The following UHRF2 variants were observed in gnomAD, a reference collection of about 807,000 sequenced individuals.
UHRF2 encodes the protein E3 ubiquitin-protein ligase UHRF2.
In UHRF2, 23 loss-of-function variants were observed where a neutral mutation model predicts 96.8. The ratio of observed to expected loss-of-function variants is 0.24; its 90% confidence interval spans 0.17 to 0.34. The LOEUF (loss-of-function observed/expected upper bound fraction) is 0.34, where lower values mean the gene tolerates loss of function less well. Among genes scored for constraint, UHRF2 ranks in the 10% least tolerant of loss-of-function variants. The pLI, the probability that UHRF2 is intolerant of heterozygous loss-of-function variation, is 1.00. For synonymous variants in UHRF2, 385 were observed against 332.6 expected (o/e 1.16, Z -1.72); for missense variants, 685 against 981.5 (o/e 0.70, Z 4.04).
In UHRF2 at chr9:6,463,440, T is replaced by C. The variant is rs189525001; in HGVS notation, c.863+2649T>C. Among the ~76,000 whole-genome samples, 1,005 of 151,292 alleles carry C rather than the reference T, an allele frequency of 6.6e-3. 11 individuals carry two copies. Among genetic ancestry groups the C allele is most frequent in the African/African-American group, 0.019 (802 of 41,344 alleles). On this transcript the variant is annotated intron_variant, in intron 4 of 15. Transcript: ENST00000276893. ...CTAGAAACGTTAGGAACACAATAGC[T>C]AAAAAGGAACCAGTGTGGCTTATGG...
intron 13 of UHRF2, among the ~76,000 whole-genome samples, chr9:6,500,234 C>G (rs1816214635): frequency 6.6e-6 from 1 of 152,106 alleles, no homozygotes; most frequent in African/African-American, 2.4e-5. Context: ...TCCTAAAGTG[C>G]TGGGATTACA....
At position 6,413,518 on chromosome 9, in the gene UHRF2, G is replaced by T. The variant is rs1297398744; in HGVS notation, c.28G>T (p.Gly10Cys). 1.3e-6 allele frequency: 2 copies of T among 1,583,686 alleles called. No homozygotes were observed. The highest frequency in any genetic ancestry group is 3.5e-5 in the Admixed American group (2 of 56,566). ...GTGGATACAGGTTCGCACCATTGATGGCTCCAAGACGTGCACCATTGAGGA... is the reference window on the plus strand; with the variant it reads ...GTGGATACAGGTTCGCACCATTGATTGCTCCAAGACGTGCACCATTGAGGA... Reference protein sequence around the residue: MWIQVRTIDGSKTCTIEDVS... With the variant: MWIQVRTIDCSKTCTIEDVS... Residue 10 changes from glycine (G) to cysteine (C), a missense_variant, in exon 1 of 16, where the codon GGC becomes TGC. This residue lies in a region of UHRF2 where 38 missense variants were observed against 35.9 expected (regional missense o/e 1.06). Transcript: ENST00000276893.
intron 9 of UHRF2, among the ~76,000 whole-genome samples, chr9:6,490,183 A>C (rs965476660): frequency 2.0e-5 from 3 of 152,226 alleles, no homozygotes; most frequent in African/African-American, 7.2e-5. Context: ...GACTTGGGCC[A>C]AATTATTTAA....
rs760928029 is a variant in UHRF2, at chr9:6,460,561, C to G, written c.645-12C>G. 4 of 1,584,924 alleles carry G rather than the reference C, an allele frequency of 2.5e-6. No homozygotes were observed. Among genetic ancestry groups the G allele is most frequent in the Non-Finnish European group, 2.6e-6 (3 of 1,162,688 alleles). On this transcript the variant is annotated splice_polypyrimidine_tract_variant and intron_variant, in intron 3 of 15. Coordinates refer to ENST00000276893, the MANE Select transcript of UHRF2 (RefSeq NM_152896.3). ...TGGTAATCATAAGCCATATGGTTTT[C>G]TCTCTCCTCAGATACCCAGAAAGCG...
intron 4 of UHRF2, among the ~76,000 whole-genome samples, chr9:6,472,319 G>A (rs1293819606): frequency 6.6e-6 from 1 of 152,192 alleles, no homozygotes; most frequent in African/African-American, 2.4e-5. Flanking sequence ...CGAAAGGATC[G>A]ATGTTAAATT....
chr9:6,447,082 G>C (rs1452640556), intron 3 of UHRF2, among the ~76,000 whole-genome samples: 1 of 151,814 alleles, frequency 6.6e-6, no homozygotes, highest in Non-Finnish European at 1.5e-5. Flanking sequence ...GTAGAGATGG[G>C]GTTTCACCAT....
intron 2 of UHRF2, among the ~76,000 whole-genome samples, chr9:6,424,566 T>C (rs4740844): frequency 0.7 from 105,687 of 151,992 alleles, 38,302 homozygotes; most frequent in South Asian, 0.82. Context: ...TGTAGCAAAA[T>C]TGAAGATAGT....
intron 1 of UHRF2, among the ~76,000 whole-genome samples, chr9:6,420,201 G>C (rs891983467): frequency 1.6e-4 from 24 of 151,764 alleles, no homozygotes; most frequent in Admixed American, 1.3e-4. Flanking sequence ...GATTACAGGT[G>C]CGTACCACCA....
chr9:6,426,393 C>G (rs1383716534), intron 2 of UHRF2, among the ~76,000 whole-genome samples: 2 of 152,166 alleles, frequency 1.3e-5, no homozygotes, highest in East Asian at 1.9e-4. Context: ...CATTAAGGTT[C>G]CCTTTCCCCA....
chr9:6,483,673 C>A (rs1217880446), intron 8 of UHRF2, among the ~76,000 whole-genome samples: 1 of 152,044 alleles, frequency 6.6e-6, no homozygotes, highest in African/African-American at 2.4e-5. Context: ...TTTAAAAACG[C>A]GCCCTACTTT....
intron 1 of UHRF2, among the ~76,000 whole-genome samples, chr9:6,420,391 T>C (rs1819860496): frequency 6.9e-6 from 1 of 143,960 alleles, no homozygotes; most frequent in Non-Finnish European, 1.5e-5. Flanking sequence ...GTGTTCTCTG[T>C]AGTGAATATG....
intron 4 of UHRF2, among the ~76,000 whole-genome samples, chr9:6,461,556 A>G (rs1822545167): frequency 6.6e-6 from 1 of 151,690 alleles, no homozygotes. Context: ...TATTTTTAGT[A>G]GAGATGGGGT....
chr9:6,472,314 G>T lies in UHRF2; in HGVS notation c.864-3077G>T, dbSNP rs932485891. Among the ~76,000 whole-genome samples, 8 of 152,282 alleles carry T rather than the reference G, an allele frequency of 5.3e-5. 1 individual carries two copies. The highest frequency in any genetic ancestry group is 4.6e-4 in the Admixed American group (7 of 15,300). On this transcript the variant is annotated intron_variant, in intron 4 of 15. Transcript: ENST00000276893. ...ATTTATCTTATGAAAATAAGCGAAAGGATCGATGTTAAATTCTGTATGAAG... is the reference window on the plus strand; with the variant it reads ...ATTTATCTTATGAAAATAAGCGAAATGATCGATGTTAAATTCTGTATGAAG...
intron 13 of UHRF2, 127 bp from the exon 14 acceptor site, chr9:6,500,425 A>G (rs778604186): frequency 2.7e-6 from 2 of 753,628 alleles, no homozygotes; most frequent in Admixed American, 3.6e-5. Flanking sequence ...TTTTAGGGGA[A>G]ATTAGATGCT....
chr9:6,481,490 G>A (rs1823924790), intron 6 of UHRF2, among the ~76,000 whole-genome samples, 153 bp from the exon 7 acceptor site: 1 of 152,164 alleles, frequency 6.6e-6, no homozygotes, highest in South Asian at 2.1e-4. Context: ...TAAATATTTT[G>A]AAAAGTTTAG....
intron 6 of UHRF2, among the ~76,000 whole-genome samples, chr9:6,480,088 G>A (rs1223654957): frequency 1.3e-5 from 2 of 152,052 alleles, no homozygotes; most frequent in Non-Finnish European, 2.9e-5. Flanking sequence ...TCTAACTTCG[G>A]TTGCTTATCA....
In UHRF2 at chr9:6,417,386, A is replaced by C. The variant is rs935645873; in HGVS notation, c.154-3526A>C. ...TTTGAGACATTGATGGACCTAAGTT[A>C]CATGCTTCTGACTCACAGATGTTTG... On this transcript the variant is annotated intron_variant, in intron 1 of 15. Coordinates refer to ENST00000276893, the MANE Select transcript of UHRF2 (RefSeq NM_152896.3). Among the ~76,000 whole-genome samples the C allele has an allele frequency of 2.0e-5, 3 of 152,332 alleles. No individual in the cohort carries two copies. In the South Asian group the frequency reaches 6.2e-4, roughly 32 times the overall value.
intron 2 of UHRF2, among the ~76,000 whole-genome samples, chr9:6,423,581 C>T (rs1052558744): frequency 6.6e-6 from 1 of 150,722 alleles, no homozygotes; most frequent in African/African-American, 2.4e-5. Context: ...CCAAAGAAAA[C>T]ATATTAATTT....
At position 6,505,979 on chromosome 9, in the gene UHRF2, G is replaced by A. The variant is rs962388232; in HGVS notation, c.2263-54G>A. On this transcript the variant is annotated intron_variant, in intron 15 of 15. Coordinates refer to ENST00000276893, the MANE Select transcript of UHRF2 (RefSeq NM_152896.3). ...CCTATTTAAAAGCATAAGTTGCTGAGTACTTACATGCTTTATGCTCAGATT... is the reference window on the plus strand; with the variant it reads ...CCTATTTAAAAGCATAAGTTGCTGAATACTTACATGCTTTATGCTCAGATT... 3.1e-6 allele frequency: 5 copies of A among 1,594,016 alleles called. No individual in the cohort carries two copies. The African/African-American group carries it at 5.4e-5, about 17-fold the overall frequency.
Sources: allele counts gnomAD v4.1 joint callset (sites outside exome capture counted in the v4.1 genomes callset), GRCh38; gene constraint gnomAD v4.1.1; regional missense constraint gnomAD v4.1.1; transcripts MANE v1.5; gene names NCBI Gene and HGNC (gene_info 2026-07-23, HGNC 2026-07-21).